OGFR: variants seen among roughly 807,000 people sequenced by gnomAD.
OGFR encodes the protein opioid growth factor receptor.
A neutral mutation model predicts 33.6 loss-of-function variants in OGFR; 18 were observed. The ratio of observed to expected loss-of-function variants is 0.54; its 90% confidence interval spans 0.37 to 0.80. The LOEUF is 0.80. Ranked by LOEUF, OGFR falls within the 30% of genes least tolerant of loss-of-function variation. The probability of loss-of-function intolerance (pLI) is 0.00; values close to 1 mark genes in which losing one functional copy is unlikely to be tolerated. For synonymous variants in OGFR, 370 were observed against 400.7 expected, an observed-to-expected ratio of 0.92 and a Z score of 0.91; for missense variants, 877 against 955.8, an observed-to-expected ratio of 0.92 and a Z score of 1.09.
chr20:62,805,035 G>T lies in OGFR; in HGVS notation c.171+5G>T. ...GCGCGGCCCAGCTCGTTCCAGGTGC[G>T]GCCCCGCGGCGCGGAAGAGGCCTGG... On this transcript the variant is annotated splice_donor_5th_base_variant and intron_variant, in intron 1 of 6. Coordinates refer to ENST00000290291, the MANE Select transcript of OGFR (RefSeq NM_007346.4). The T allele has an allele frequency of 7.3e-7, 1 of 1,360,838 alleles. No individual in the cohort carries two copies. Among genetic ancestry groups the T allele is most frequent in the East Asian group, 3.1e-5 (1 of 32,076 alleles). The allele number at this position is 1,360,838 out of a possible 1,614,324, so 84.3% of individuals were successfully genotyped here.
intron 3 of OGFR, 139 bp downstream of exon 3, chr20:62,808,464 C>T (rs971083100): frequency 2.7e-5 from 18 of 658,432 alleles, no homozygotes; most frequent in Non-Finnish European, 4.8e-5. Context: ...CCCCTGGAGG[C>T]GGCCAGAGGG....
At chr20:62,806,342 A>G (rs1990592047) in intron 1 of OGFR, 1 of 152,248 alleles carries the variant, frequency 6.6e-6, no homozygotes. Flanking sequence ...CAGGAGTCCA[A>G]GATTAGCCTG....
rs909511829 is a variant in OGFR, at chr20:62,804,962, G to T, written c.103G>T (p.Asp35Tyr). ...GGACGGCGAGGCCGCCGGCGCGAGGGACGCGGACGCAGGGGACGAGGACGA... is the reference window on the plus strand; with the variant it reads ...GGACGGCGAGGCCGCCGGCGCGAGGTACGCGGACGCAGGGGACGAGGACGA... Reference protein sequence around the residue: ...CEDGEAAGARDADAGDEDEES... With the variant: ...CEDGEAAGARYADAGDEDEES... The change falls in exon 1 of 7, where the codon GAC (aspartate) becomes TAC (tyrosine). Residue 35 changes from aspartate to tyrosine, a missense_variant. Around this residue, in one of 3 missense-constraint regions of OGFR, gnomAD observed 760 missense variants for 736.0 expected, o/e 1.03. Coordinates refer to ENST00000290291, the MANE Select transcript of OGFR (RefSeq NM_007346.4). The T allele has an allele frequency of 1.4e-5, 21 of 1,490,910 alleles. No individual in the cohort carries two copies. The highest frequency in any genetic ancestry group is 1.8e-5 in the Non-Finnish European group (20 of 1,121,248). 92.4% of individuals were successfully genotyped at this position (1,490,910 alleles called of 1,614,324 possible).
intron 4 of OGFR, 21 bp downstream of exon 4, chr20:62,809,684 G>T: frequency 6.3e-7 from 1 of 1,576,396 alleles, no homozygotes; most frequent in Non-Finnish European, 8.7e-7. Context: ...GAGGATGGGG[G>T]GATGGGGGGT....
In OGFR at chr20:62,805,036, G is replaced by GA. The variant is rs1990552175; in HGVS notation, c.171+6_171+7insA. The GA allele has an allele frequency of 7.4e-7, 1 of 1,359,330 alleles. No individual in the cohort carries two copies. Among genetic ancestry groups the GA allele is most frequent in the Non-Finnish European group, 9.4e-7 (1 of 1,061,502 alleles). The allele number at this position is 1,359,330 out of a possible 1,614,324, so 84.2% of individuals were successfully genotyped here. A position where few individuals can be genotyped will look rare whatever the true frequency, so the allele number is the denominator to read the frequency against. ...CGCGGCCCAGCTCGTTCCAGGTGCGGCCCCGCGGCGCGGAAGAGGCCTGGG... is the reference window on the plus strand; with the variant it reads ...CGCGGCCCAGCTCGTTCCAGGTGCGGACCCCGCGGCGCGGAAGAGGCCTGGG... On this transcript the variant is annotated splice_region_variant and intron_variant, in intron 1 of 6. Coordinates refer to ENST00000290291, the MANE Select transcript of OGFR (RefSeq NM_007346.4).
Position 62,809,632 on chromosome 20 carries a change from C to G in OGFR, c.367C>G (p.Leu123Val). Residue 123 changes from leucine (L) to valine (V), a missense_variant, in exon 4 of 7, where the codon CTC (leucine) becomes GTC (valine). Transcript: ENST00000290291. The stretch of plus-strand genomic sequence containing the variant: ...TCAGAACTGGACGGACAACTATGAC[C>G]TCCTTGAGGACAATCACTCCTACAT... ...ILQNWTDNYD[L>V]LEDNHSYIQW... 1 of 1,611,282 alleles carries G rather than the reference C, an allele frequency of 6.2e-7. No individual in the cohort carries two copies. The highest frequency in any genetic ancestry group is 8.5e-7 in the Non-Finnish European group (1 of 1,179,014).
In OGFR at chr20:62,813,954, T is replaced by G; in HGVS notation, c.*305T>G. 1 of 513,788 alleles carries G rather than the reference T, an allele frequency of 1.9e-6. No homozygotes were observed. Among genetic ancestry groups the G allele is most frequent in the Non-Finnish European group, 3.5e-6 (1 of 289,144 alleles). The allele number at this position is 513,788 out of a possible 1,614,324, so 31.8% of individuals were successfully genotyped here. A position where few individuals can be genotyped will look rare whatever the true frequency, so the allele number is the denominator to read the frequency against. ...CGGCGGGCAGGGCTGCTTTTCTTAG[T>G]CTGATACCAAGCAAGGCCTTTTCTG... On this transcript the variant is annotated 3_prime_UTR_variant, in exon 7 of 7. Transcript: ENST00000290291.
chr20:62,805,079 C>G (rs1032305001), intron 1 of OGFR, 49 bp downstream of exon 1: 35 of 1,273,726 alleles, frequency 2.7e-5, no homozygotes, highest in Non-Finnish European at 2.0e-5. Flanking sequence ...GCGCCCCCCG[C>G]CCGGCTGCGT....
At position 62,809,567 on chromosome 20, in the gene OGFR, TC is replaced by T; in HGVS notation, c.320-14del. ...CAGGGTGGCTGCCACAGCTGACTTGTCCCCATGGGGCTCCCAGGCTGTTTCA... is the reference window on the plus strand; with the variant it reads ...CAGGGTGGCTGCCACAGCTGACTTGTCCCATGGGGCTCCCAGGCTGTTTCA... On this transcript the variant is annotated splice_polypyrimidine_tract_variant and intron_variant, in intron 3 of 6. Coordinates refer to ENST00000290291, the MANE Select transcript of OGFR (RefSeq NM_007346.4). The T allele has an allele frequency of 1.2e-6, 2 of 1,608,698 alleles. No individual in the cohort carries two copies. The highest frequency in any genetic ancestry group is 1.7e-6 in the Non-Finnish European group (2 of 1,176,368).
intron 1 of OGFR, chr20:62,805,629 T>C (rs1006317863): frequency 2.5e-4 from 38 of 152,322 alleles, no homozygotes; most frequent in African/African-American, 8.7e-4. Flanking sequence ...GGGAGCGGCC[T>C]TCCAGCTGAG....
At position 62,809,116 on chromosome 20, in the gene OGFR, CAG is replaced by C. The variant is rs539341369; in HGVS notation, c.320-465_320-464del. Among the ~76,000 whole-genome samples the C allele has an allele frequency of 1.1e-4, 17 of 151,960 alleles. No homozygotes were observed. The East Asian group carries it at 1.5e-3, about 14-fold the overall frequency. On this transcript the variant is annotated intron_variant, in intron 3 of 6. Transcript: ENST00000290291. ...GCACGTGCCGGGCTGCAACGTGAAA[CAG>C]AGACTGGGTGGCTGCACAAAACACT...
At position 62,804,975 on chromosome 20, in the gene OGFR, G is replaced by GGGACGA. The variant is rs1408288897; in HGVS notation, c.126_131dup (p.Asp42_Glu43dup). 3 of 1,487,024 alleles carry GGGACGA rather than the reference G, an allele frequency of 2.0e-6. No homozygotes were observed. Among genetic ancestry groups the GGGACGA allele is most frequent in the Admixed American group, 4.6e-5 (2 of 43,196 alleles). 92.1% of individuals were successfully genotyped at this position (1,487,024 alleles called of 1,614,324 possible). A position where few individuals can be genotyped will look rare whatever the true frequency, so the allele number is the denominator to read the frequency against. On this transcript the variant is annotated inframe_insertion, in exon 1 of 7. Coordinates refer to ENST00000290291, the MANE Select transcript of OGFR (RefSeq NM_007346.4). ...GCCGGCGCGAGGGACGCGGACGCAG[G>GGGACGA]GGACGAGGACGAGGAGTCGGAGGAG...
At position 62,804,898 on chromosome 20, in the gene OGFR, CGAGGAGGATGCGGAGGACGCG is replaced by C. The variant is rs747424255; in HGVS notation, c.45_65del (p.Glu15_Glu21del). On this transcript the variant is annotated inframe_deletion, in exon 1 of 7. Transcript: ENST00000290291. Reference sequence around the variant, plus strand: ...ACTGCGACTCCACCTGGGAGGAGGACGAGGAGGATGCGGAGGACGCGGAGGACGAGGACTGCGAGGACGGCG... The same window carrying C: ...ACTGCGACTCCACCTGGGAGGAGGACGAGGACGAGGACTGCGAGGACGGCG... 31 of 1,495,412 alleles carry C rather than the reference CGAGGAGGATGCGGAGGACGCG, an allele frequency of 2.1e-5. No homozygotes were observed. The South Asian group carries it at 3.9e-4, about 19-fold the overall frequency. The allele number at this position is 1,495,412 out of a possible 1,614,324, so 92.6% of individuals were successfully genotyped here.
At chr20:62,810,404 G>T in intron 4 of OGFR, 95 bp from the exon 5 acceptor site, 1 of 1,217,162 alleles carries the variant, frequency 8.2e-7, no homozygotes, top group South Asian at 1.2e-5. Flanking sequence ...GAACCCAGAG[G>T]GGATTGGAAC....
chr20:62,813,714 G>A lies in OGFR; in HGVS notation c.*65G>A, dbSNP rs979308377. 1.3e-6 allele frequency: 2 copies of A among 1,563,116 alleles called. No individual in the cohort carries two copies. Among genetic ancestry groups the A allele is most frequent in the South Asian group, 1.1e-5 (1 of 89,164 alleles). On this transcript the variant is annotated 3_prime_UTR_variant, in exon 7 of 7. Coordinates refer to ENST00000290291, the MANE Select transcript of OGFR (RefSeq NM_007346.4). ...TGCTGCAGGGGCTGGGGCCTCCGGA[G>A]CTGCTGCGGGCTCCCCTCAGGCTCT...
In OGFR at chr20:62,811,624, G is replaced by GCGGGCCCCCCCCCCCCCCCCCCCC; in HGVS notation, c.614+15_614+16insGGGCCCCCCCCCCCCCCCCCCCCC. ...GAACCTGAACTGGTGAGGCCCGGCT[G>GCGGGCCCCCCCCCCCCCCCCCCCC]CTCCCGCCCACCCCCACCCCGGCGC... is the stretch of plus-strand genomic sequence containing the variant. On this transcript the variant is annotated intron_variant, in intron 6 of 6. Coordinates refer to ENST00000290291, the MANE Select transcript of OGFR (RefSeq NM_007346.4). 1 of 1,551,506 alleles carries GCGGGCCCCCCCCCCCCCCCCCCCC rather than the reference G, an allele frequency of 6.4e-7. No homozygotes were observed. Among genetic ancestry groups the GCGGGCCCCCCCCCCCCCCCCCCCC allele is most frequent in the Non-Finnish European group, 8.7e-7 (1 of 1,147,398 alleles).
chr20:62,808,974 C>CAAAAAAAA (rs5842400), intron 3 of OGFR, among the ~76,000 whole-genome samples: 9 of 68,414 alleles, frequency 1.3e-4, no homozygotes, highest in Non-Finnish European at 1.3e-4. Flanking sequence ...GACTCTGTCT[C>CAAAAAAAA]AAAAAAAAAA....
chr20:62,806,184 G>A (rs1057202011), intron 1 of OGFR: 6 of 152,402 alleles, frequency 3.9e-5, no homozygotes, highest in Non-Finnish European at 7.3e-5. Context: ...CTGGCCCCAG[G>A]AAGGAGAAGT....
intron 6 of OGFR, 80 bp from the exon 7 acceptor site, chr20:62,812,150 G>A: frequency 7.9e-7 from 1 of 1,269,378 alleles, no homozygotes; most frequent in Non-Finnish European, 1.1e-6. Flanking sequence ...GGAGCCGGGT[G>A]GGAGGGCAGG....
Sources: gnomAD v4.1 joint callset for allele counts (sites outside exome capture counted in the v4.1 genomes callset) on GRCh38, gnomAD v4.1.1 for gene constraint, gnomAD v4.1.1 regional missense constraint, MANE v1.5 for transcripts, NCBI Gene and HGNC (gene_info 2026-07-23, HGNC 2026-07-21) for gene names.